The following PACS2 variants were observed in gnomAD, a reference collection of about 807,000 sequenced individuals.
PACS2 encodes phosphofurin acidic cluster sorting protein 2.
PACS2 carries 36 observed loss-of-function variants against 113.0 expected under a neutral mutation model. The ratio of observed to expected loss-of-function variants is 0.32; its 90% CI spans 0.24 to 0.42. The LOEUF (loss-of-function observed/expected upper bound fraction) is 0.42. PACS2 is among the 10% of genes least tolerant of loss of function. PACS2 has a pLI of 1.00. For missense variants in PACS2, 1,015 were observed against 1,239.5 expected (o/e 0.82, Z 2.72); for synonymous variants, 589 against 536.1 (o/e 1.10, Z -1.36).
At chr14:105,385,347 A>G (rs1470114787) in intron 18 of PACS2, among the ~76,000 whole-genome samples, 3 of 152,202 alleles carry the variant, frequency 2.0e-5, no homozygotes, top group Non-Finnish European at 4.4e-5. Flanking sequence ...TGGGGAACGA[A>G]GGATTCCCTG....
At chr14:105,307,539 C>T (rs587709684) in intron 1 of PACS2, among the ~76,000 whole-genome samples, 11 of 152,122 alleles carry the variant, frequency 7.2e-5, no homozygotes, top group African/African-American at 7.2e-5. Flanking sequence ...CTTTCAAAGG[C>T]GGTTGTCTCT....
intron 9 of PACS2, 134 bp downstream of exon 9, chr14:105,377,059 G>A: frequency 1.1e-6 from 1 of 937,138 alleles, no homozygotes; most frequent in Non-Finnish European, 1.6e-6. Flanking sequence ...GCCTGGGAAG[G>A]CTCTGGTGGC....
chr14:105,354,220 A>G lies in PACS2; in HGVS notation c.298-832A>G, dbSNP rs142318571. ...TCCCAGCTCTTCGGGAGGCTGAGGC[A>G]GGAGGATTGCTTGAACCCAGGAGGT... On this transcript the variant is annotated intron_variant, in intron 3 of 24. Coordinates refer to ENST00000447393, the MANE Select transcript of PACS2 (RefSeq NM_001100913.3). This position sits in a 1 kb window ranked among gnomAD's most constrained non-coding sequence, Gnocchi z 4.2. Among the ~76,000 whole-genome samples, 2,321 of 152,284 alleles carry G rather than the reference A, an allele frequency of 0.015. 64 individuals are homozygous for G. The highest frequency in any genetic ancestry group is 0.053 in the African/African-American group (2,214 of 41,548).
chr14:105,368,135 C>T lies in PACS2; in HGVS notation c.648C>T (p.Ala216=), dbSNP rs781899678. ...CCGAGCAGGAGGCCAGTGACGACGC[C>T]GTGCAGGGGCAGGTGACCTGGGGCC... The part of the protein sequence containing the change: ...FSSEQEASDD[A]VQGQDLDEDD... Residue 216 remains alanine (A), a synonymous_variant, in exon 6 of 25, where the codon GCC becomes GCT. Coordinates refer to ENST00000447393, the MANE Select transcript of PACS2 (RefSeq NM_001100913.3). The T allele has an allele frequency of 1.5e-5, 24 of 1,607,902 alleles. No homozygotes were observed. Among genetic ancestry groups the T allele is most frequent in the East Asian group, 4.5e-5 (2 of 44,872 alleles).
intron 1 of PACS2, among the ~76,000 whole-genome samples, chr14:105,306,395 C>T (rs1447719037): frequency 2.6e-5 from 4 of 152,134 alleles, no homozygotes; most frequent in African/African-American, 4.8e-5. Flanking sequence ...CCTCTGCCTC[C>T]CAGGTTCAAG....
chr14:105,310,507 G>A (rs943113565), upstream of PACS2, among the ~76,000 whole-genome samples: 9 of 136,534 alleles, frequency 6.6e-5, no homozygotes, highest in African/African-American at 2.5e-4. Context: ...TCCAGCCTGG[G>A]CGACAGACAG....
At chr14:105,316,351 C>T (rs1215982521) in intron 1 of PACS2, among the ~76,000 whole-genome samples, 2 of 152,252 alleles carry the variant, frequency 1.3e-5, no homozygotes, top group Non-Finnish European at 1.5e-5. Context: ...GGAGCATCTC[C>T]CCAGGCCTGG....
intron 21 of PACS2, 106 bp downstream of exon 21, chr14:105,391,355 C>T (rs1363084066): frequency 3.5e-6 from 3 of 847,380 alleles, no homozygotes; most frequent in Non-Finnish European, 5.9e-6. Context: ...GGCCTGAGAG[C>T]CGCCACGTCC....
At chr14:105,388,063 G>A (rs587705326) in intron 19 of PACS2, among the ~76,000 whole-genome samples, 2 of 152,356 alleles carry the variant, frequency 1.3e-5, no homozygotes, top group African/African-American at 4.8e-5. Flanking sequence ...GATTTGCATC[G>A]CTTTATGTTA....
chr14:105,361,969 A>AG (rs1410029663), intron 4 of PACS2, among the ~76,000 whole-genome samples: 5 of 151,644 alleles, frequency 3.3e-5, no homozygotes, highest in Non-Finnish European at 5.9e-5. Context: ...AACAAAAAAA[A>AG]CGAATTAGTG....
rs782353129 is a variant in PACS2 at position 105,382,458 on chromosome 14, C to G, written c.1414-19C>G. On this transcript the variant is annotated intron_variant, in intron 13 of 24. Transcript: ENST00000447393. ...GCTGTGCTTCTCTTCTGGGTGTGGA[C>G]AGGGCTCTGTGCCTCCAGATCCCCA... 1.4e-6 allele frequency: 2 copies of G among 1,433,018 alleles called. No individual in the cohort carries two copies. The highest frequency in any genetic ancestry group is 3.3e-5 in the Admixed American group (2 of 59,774). 88.8% of individuals were successfully genotyped at this position (1,433,018 alleles called of 1,614,324 possible). A position where few individuals can be genotyped will look rare whatever the true frequency, so the allele number is the denominator to read the frequency against.
chr14:105,343,414 A>C (rs587655619), intron 1 of PACS2, among the ~76,000 whole-genome samples: 1 of 152,262 alleles, frequency 6.6e-6, no homozygotes, highest in South Asian at 2.1e-4. Context: ...TGTATGTTTA[A>C]CTTTGTAAGA....
chr14:105,375,262 A>G (rs1555410135), intron 8 of PACS2, among the ~76,000 whole-genome samples: 1 of 152,104 alleles, frequency 6.6e-6, no homozygotes, highest in Non-Finnish European at 1.5e-5. Context: ...GGTGGATTAC[A>G]AGGTCAAGAG....
chr14:105,336,975 C>T (rs1234440982), intron 1 of PACS2, among the ~76,000 whole-genome samples: 2 of 152,204 alleles, frequency 1.3e-5, no homozygotes, highest in Non-Finnish European at 2.9e-5. Flanking sequence ...GCGTGATGGA[C>T]GCAGCCTGTA....
chr14:105,348,533 G>A lies in PACS2; in HGVS notation c.160G>A (p.Glu54Lys), dbSNP rs1182951417. 1.2e-6 allele frequency: 2 copies of A among 1,612,460 alleles called. No homozygotes were observed. The highest frequency in any genetic ancestry group is 4.5e-5 in the East Asian group (2 of 44,894). ...LTLKKLVVFK[E>K]LEKELISVVI... ...TCTGAAGAAGCTGGTGGTCTTCAAG[G>A]AGCTGGAGAAGGAGCTGATCTCCGT... Residue 54 changes from glutamate (E) to lysine (K), a missense_variant, in exon 2 of 25, where the codon GAG (glutamate) becomes AAG (lysine). Around this residue, in one of 3 missense-constraint regions of PACS2, gnomAD observed 140 missense variants for 135.1 expected, o/e 1.04. Coordinates refer to ENST00000447393, the MANE Select transcript of PACS2 (RefSeq NM_001100913.3). This position sits in a 1 kb window ranked among gnomAD's most constrained non-coding sequence, Gnocchi z 6.4.
intron 15 of PACS2, 71 bp downstream of exon 15, chr14:105,382,984 A>G (rs1161872392): frequency 4.4e-6 from 4 of 905,220 alleles, no homozygotes; most frequent in Non-Finnish European, 7.1e-6. Context: ...ACCTCTGCCC[A>G]TTGCTCCGGG....
In PACS2 at chr14:105,324,798, G is replaced by A. The variant is rs1027038633; in HGVS notation, c.119+9761G>A. On this transcript the variant is annotated intron_variant, in intron 1 of 24. Coordinates refer to ENST00000447393, the MANE Select transcript of PACS2 (RefSeq NM_001100913.3). This position sits in a 1 kb window ranked among gnomAD's most constrained non-coding sequence, Gnocchi z 4.7. ...CTACTGCTGGGCTGCTCTCAGGCCC[G>A]GGACATTCATGGCCGTAGCCCCAGG... is the stretch of plus-strand genomic sequence containing the variant. Among the ~76,000 whole-genome samples the A allele has an allele frequency of 4.6e-5, 7 of 152,186 alleles. No individual in the cohort carries two copies. The highest frequency in any genetic ancestry group is 2.0e-4 in the Admixed American group (3 of 15,284).
chr14:105,366,862 G>C lies in PACS2; in HGVS notation c.424-351G>C, dbSNP rs1307818159. Among the ~76,000 whole-genome samples, 3 of 152,196 alleles carry C rather than the reference G, an allele frequency of 2.0e-5. No homozygotes were observed. The highest frequency in any genetic ancestry group is 4.4e-5 in the Non-Finnish European group (3 of 68,014). On this transcript the variant is annotated intron_variant, in intron 4 of 24. Transcript: ENST00000447393. The surrounding 1 kb of genome is among the most constrained non-coding windows in gnomAD (Gnocchi z 4.3). ...TGGACAGCAGTCGTGCCTGAGATCA[G>C]GAGGGCCGCGGACACCCCTGTCTGT...
At chr14:105,390,253 C>T (rs1182431397) in intron 20 of PACS2, 9 of 541,222 alleles carry the variant, frequency 1.7e-5, no homozygotes, top group South Asian at 8.0e-5. Context: ...AGAGACAGGT[C>T]GGTGGGGCGA....
Sources: gnomAD v4.1 joint callset for allele counts (sites outside exome capture counted in the v4.1 genomes callset) on GRCh38, gnomAD v4.1.1 for gene constraint, gnomAD v4.1.1 regional missense constraint, Gnocchi (gnomAD v3.1) non-coding constraint, MANE v1.5 for transcripts, NCBI Gene and HGNC (gene_info 2026-07-23, HGNC 2026-07-21) for gene names.